The following STK32B variants were observed in gnomAD, a reference collection of about 807,000 sequenced individuals.
STK32B encodes the protein serine/threonine-protein kinase 32B.
A neutral mutation model predicts 52.6 loss-of-function variants in STK32B; 43 were observed. The observed-to-expected ratio is 0.82, with a 90% CI of 0.64 to 1.05. STK32B has a LOEUF of 1.05. Among genes scored for constraint, STK32B ranks in the 50% least tolerant of loss-of-function variants. The pLI is 0.00. For synonymous variants in STK32B, 238 were observed against 204.3 expected (o/e 1.17, Z -1.41); for missense variants, 621 against 534.6 (o/e 1.16, Z -1.59).
At chr4:5,130,392 G>A (rs902255411) in intron 1 of STK32B, among the ~76,000 whole-genome samples, 1 of 152,078 alleles carries the variant, frequency 6.6e-6, no homozygotes, top group African/African-American at 2.4e-5. Flanking sequence ...CTAGGCCATG[G>A]TGAGGAGCAT....
At chr4:5,468,112 A>C in intron 11 of STK32B, 42 bp downstream of exon 11, 1 of 1,602,544 alleles carries the variant, frequency 6.2e-7, no homozygotes, top group Non-Finnish European at 8.5e-7. Context: ...AGCCTGTCCT[A>C]AGTGACCCAA....
chr4:5,473,430 A>G (rs78495416), intron 11 of STK32B, among the ~76,000 whole-genome samples: 3,985 of 152,276 alleles, frequency 0.026, 75 homozygotes, highest in African/African-American at 0.049. Context: ...ACTCTGTGCC[A>G]TTTAGTCTGT....
intron 3 of STK32B, among the ~76,000 whole-genome samples, chr4:5,178,991 G>A (rs982380505): frequency 6.6e-6 from 1 of 152,144 alleles, no homozygotes; most frequent in Non-Finnish European, 1.5e-5. Context: ...TACTGCCTCG[G>A]TACCAATGTA....
chr4:5,261,415 C>A (rs1460424737), intron 3 of STK32B, among the ~76,000 whole-genome samples: 1 of 152,066 alleles, frequency 6.6e-6, no homozygotes, highest in Admixed American at 6.5e-5. Context: ...GGTGTTGAGG[C>A]CCTTAGCAAA....
intron 1 of STK32B, among the ~76,000 whole-genome samples, chr4:5,071,800 G>T (rs1711796320): frequency 6.6e-6 from 1 of 152,136 alleles, no homozygotes; most frequent in African/African-American, 2.4e-5. Context: ...GAGGTATCAT[G>T]GTCTTAAACT....
chr4:5,245,682 A>G (rs373432726), intron 3 of STK32B, among the ~76,000 whole-genome samples: 2 of 152,018 alleles, frequency 1.3e-5, no homozygotes, highest in Non-Finnish European at 1.5e-5. Context: ...GGTCTTTACA[A>G]TTTGGCATGT....
rs531667668 is a variant in STK32B, at chr4:5,358,670, C to G, written c.434+27277C>G. 1.3e-5 allele frequency among the ~76,000 whole-genome samples: 2 copies of G among 151,084 alleles called. 1 individual carries two copies. The highest frequency in any genetic ancestry group is 4.2e-4 in the South Asian group (2 of 4,770). On this transcript the variant is annotated intron_variant, in intron 4 of 11. Coordinates refer to ENST00000282908, the MANE Select transcript of STK32B (RefSeq NM_018401.3). ...AGATAGCATATTTGGGCTGTTACCT[C>G]CAGGACATGCCAGGACACATTCACA... is the stretch of plus-strand genomic sequence containing the variant.
At chr4:5,474,113 C>CA (rs980494520) in intron 11 of STK32B, among the ~76,000 whole-genome samples, 37 of 149,168 alleles carry the variant, frequency 2.5e-4, no homozygotes, top group Middle Eastern at 3.4e-3. Context: ...GACTCTGTCT[C>CA]AAAAAAAAAG....
chr4:5,369,750 C>T (rs970611476), intron 4 of STK32B, among the ~76,000 whole-genome samples: 3 of 152,170 alleles, frequency 2.0e-5, no homozygotes, highest in African/African-American at 4.8e-5. Flanking sequence ...TTTGATGCAT[C>T]CCTTCCTTGA....
chr4:5,179,913 C>G (rs1352611019), intron 3 of STK32B, among the ~76,000 whole-genome samples: 6 of 152,200 alleles, frequency 3.9e-5, no homozygotes, highest in Non-Finnish European at 7.3e-5. Context: ...GCCAGCTGAA[C>G]AGCCCCAGCA....
At chr4:5,085,831 G>T (rs1247841766) in intron 1 of STK32B, among the ~76,000 whole-genome samples, 3 of 152,138 alleles carry the variant, frequency 2.0e-5, no homozygotes, top group African/African-American at 7.2e-5. Flanking sequence ...TACTATCTCA[G>T]CGATAGCCTT....
intron 3 of STK32B, among the ~76,000 whole-genome samples, chr4:5,293,833 T>A (rs1729035441): frequency 6.6e-6 from 1 of 152,190 alleles, no homozygotes; most frequent in Non-Finnish European, 1.5e-5. Context: ...CTGCAGTTGC[T>A]CTTAGTGTTT....
chr4:5,081,075 G>T (rs369955393), intron 1 of STK32B, among the ~76,000 whole-genome samples: 1 of 151,792 alleles, frequency 6.6e-6, no homozygotes, highest in African/African-American at 2.4e-5. Context: ...CTGGCTTACT[G>T]CATTTAGCAT....
At chr4:5,211,414 T>C (rs998158692) in intron 3 of STK32B, among the ~76,000 whole-genome samples, 1 of 151,782 alleles carries the variant, frequency 6.6e-6, no homozygotes, top group African/African-American at 2.4e-5. Context: ...TGGGGAGAAA[T>C]AGCAGTATCA....
chr4:5,106,082 C>T (rs1372668412), intron 1 of STK32B, among the ~76,000 whole-genome samples: 1 of 151,690 alleles, frequency 6.6e-6, no homozygotes, highest in Non-Finnish European at 1.5e-5. Context: ...GCGGGGGGAT[C>T]ACTTGACATC....
chr4:5,357,055 A>G (rs1030053987), intron 4 of STK32B, among the ~76,000 whole-genome samples: 7 of 144,450 alleles, frequency 4.8e-5, no homozygotes, highest in Non-Finnish European at 1.0e-4. Context: ...ATACACACAC[A>G]CATATATACA....
chr4:5,259,816 A>G (rs1475884448), intron 3 of STK32B, among the ~76,000 whole-genome samples: 1 of 152,086 alleles, frequency 6.6e-6, no homozygotes, highest in Non-Finnish European at 1.5e-5. Context: ...GCAAAATAAT[A>G]AGGGGTATAT....
chr4:5,142,235 G>A (rs1233409612), intron 2 of STK32B, among the ~76,000 whole-genome samples: 1 of 152,136 alleles, frequency 6.6e-6, no homozygotes, highest in Admixed American at 6.5e-5. Flanking sequence ...ATGGTTGTAT[G>A]GACCAATATA....
upstream of STK32B, among the ~76,000 whole-genome samples, chr4:5,051,168 C>A (rs1741756304): frequency 6.6e-6 from 1 of 152,088 alleles, no homozygotes; most frequent in South Asian, 2.1e-4. Flanking sequence ...CAGCCGGGGC[C>A]GACTAACCAC....
Sources: gnomAD v4.1 joint callset for allele counts (sites outside exome capture counted in the v4.1 genomes callset) on GRCh38, gnomAD v4.1.1 for gene constraint, MANE v1.5 for transcripts, NCBI Gene and HGNC (gene_info 2026-07-23, HGNC 2026-07-21) for gene names.